The following FAM193A variants were observed in gnomAD, a reference collection of about 807,000 sequenced individuals.
FAM193A encodes family with sequence similarity 193 member A.
FAM193A carries 22 observed loss-of-function variants against 126.5 expected under a neutral mutation model. The observed-to-expected ratio is 0.17, with a 90% CI of 0.12 to 0.25. The LOEUF is 0.25. FAM193A is among the 10% of genes least tolerant of loss of function. The pLI, the probability that FAM193A is intolerant of heterozygous loss-of-function variation, is 1.00. For missense variants in FAM193A, 1,675 were observed against 1,672.8 expected (o/e 1.00, Z -0.02); for synonymous variants, 761 against 646.8 (o/e 1.18, Z -2.68).
At chr4:2,672,519 C>T in intron 13 of FAM193A, 147 bp downstream of exon 13, 1 of 826,542 alleles carries the variant, frequency 1.2e-6, no homozygotes, top group Non-Finnish European at 1.9e-6. Context: ...TTTCCTTTCA[C>T]CATAATCTCT....
chr4:2,727,304 T>C (rs1384456113), intron 20 of FAM193A, among the ~76,000 whole-genome samples: 3 of 152,180 alleles, frequency 2.0e-5, no homozygotes, highest in Non-Finnish European at 4.4e-5. Context: ...AACTGGTGCA[T>C]GAAGGTGAGT....
At chr4:2,683,361 C>G (rs546310233) in intron 13 of FAM193A, among the ~76,000 whole-genome samples, 1 of 151,802 alleles carries the variant, frequency 6.6e-6, no homozygotes, top group African/African-American at 2.4e-5. Context: ...GTGGCGCCAT[C>G]TCGGCTCTCT....
intron 2 of FAM193A, among the ~76,000 whole-genome samples, chr4:2,616,095 C>G (rs1370512001): frequency 6.6e-6 from 1 of 152,210 alleles, no homozygotes; most frequent in Non-Finnish European, 1.5e-5. Flanking sequence ...CCACCGCGCC[C>G]GGCCGAAACT....
chr4:2,554,932 A>G (rs1213350085), intron 1 of FAM193A, among the ~76,000 whole-genome samples: 3 of 151,826 alleles, frequency 2.0e-5, no homozygotes, highest in African/African-American at 7.3e-5. Flanking sequence ...TATTTTTTCT[A>G]TCTTTTTGCT....
intron 1 of FAM193A, among the ~76,000 whole-genome samples, chr4:2,546,712 A>G (rs1216040981): frequency 6.6e-6 from 1 of 152,170 alleles, no homozygotes; most frequent in African/African-American, 2.4e-5. Context: ...GGTGATTATA[A>G]ATAGAGTTGC....
rs575968322 is a variant in FAM193A at position 2,631,127 on chromosome 4, C to G, written c.996C>G (p.Leu332=). 4 of 1,613,262 alleles carry G rather than the reference C, an allele frequency of 2.5e-6. No homozygotes were observed. The highest frequency in any genetic ancestry group is 3.3e-5 in the Admixed American group (2 of 59,896). ...TCCTGCTTGAGGAGTACGGCGCCCTCTGCCAGGCCGCACGCTCCATCAGCA... is the reference window on the plus strand; with the variant it reads ...TCCTGCTTGAGGAGTACGGCGCCCTGTGCCAGGCCGCACGCTCCATCAGCA... ...ISLLLEEYGA[L]CQAARSISTF... Residue 332 remains leucine, a synonymous_variant, in exon 5 of 21, where the codon CTC becomes CTG. Transcript: ENST00000637812.
intron 19 of FAM193A, among the ~76,000 whole-genome samples, chr4:2,701,146 A>G (rs182857144): frequency 4.0e-4 from 61 of 152,260 alleles, no homozygotes; most frequent in Non-Finnish European, 7.5e-4. Context: ...ACTTCCATGT[A>G]TATTTCCTCA....
intron 1 of FAM193A, among the ~76,000 whole-genome samples, chr4:2,537,573 C>T (rs1736962626): frequency 6.6e-6 from 1 of 152,226 alleles, no homozygotes; most frequent in Non-Finnish European, 1.5e-5. Flanking sequence ...GGGCTTCTGT[C>T]GTGGCGCCTC....
rs192277593 is a variant in FAM193A at position 2,719,154 on chromosome 4, G to T, written c.4454+3050G>T. 3.3e-3 allele frequency among the ~76,000 whole-genome samples: 506 copies of T among 152,082 alleles called. 11 individuals are homozygous for T. Among genetic ancestry groups the T allele is most frequent in the Admixed American group, 0.03 (463 of 15,270 alleles). On this transcript the variant is annotated intron_variant, in intron 20 of 20. Transcript: ENST00000637812. ...TACCAGAAAAAATGAAAAATCACAG[G>T]TTTATCTCACTCATATTAGATTCAA...
At chr4:2,581,874 C>T (rs1245987742) in intron 1 of FAM193A, among the ~76,000 whole-genome samples, 1 of 150,876 alleles carries the variant, frequency 6.6e-6, no homozygotes, top group East Asian at 2.0e-4. Flanking sequence ...AGGATGGTCT[C>T]AGTCTCCTGA....
chr4:2,632,557 G>GA (rs1214072161), intron 5 of FAM193A, among the ~76,000 whole-genome samples: 1 of 151,854 alleles, frequency 6.6e-6, no homozygotes, highest in African/African-American at 2.4e-5. Context: ...AAAAAGAAAA[G>GA]AAAAAATTAC....
At chr4:2,545,314 C>G (rs1262783451) in intron 1 of FAM193A, among the ~76,000 whole-genome samples, 3 of 152,154 alleles carry the variant, frequency 2.0e-5, no homozygotes, top group Non-Finnish European at 4.4e-5. Flanking sequence ...TTTCATAGAA[C>G]AAGAATTTTT....
chr4:2,695,809 C>G (rs1455047385), intron 17 of FAM193A, among the ~76,000 whole-genome samples: 2 of 152,108 alleles, frequency 1.3e-5, no homozygotes, highest in African/African-American at 4.8e-5. Flanking sequence ...TGGCTTATGC[C>G]TGTAATAGCA....
chr4:2,566,542 G>C (rs1366578265), intron 1 of FAM193A, among the ~76,000 whole-genome samples: 3 of 152,028 alleles, frequency 2.0e-5, no homozygotes, highest in Admixed American at 1.3e-4. Context: ...ACAAAAATTA[G>C]CTGGACGTGG....
chr4:2,708,396 A>G (rs962776682), intron 19 of FAM193A: 1 of 164,360 alleles, frequency 6.1e-6, no homozygotes, highest in Non-Finnish European at 1.3e-5. Flanking sequence ...AAATGCTGGA[A>G]TTACAGGCGT....
chr4:2,643,166 C>T (rs1352874548), intron 6 of FAM193A, among the ~76,000 whole-genome samples: 4 of 152,138 alleles, frequency 2.6e-5, no homozygotes, highest in African/African-American at 9.7e-5. Flanking sequence ...ACTGACGACG[C>T]CAGGACACGC....
chr4:2,661,251 C>T (rs1337381142), intron 10 of FAM193A, among the ~76,000 whole-genome samples: 1 of 152,180 alleles, frequency 6.6e-6, no homozygotes, highest in Non-Finnish European at 1.5e-5. Flanking sequence ...CAAATGTAAA[C>T]TATGATTTGA....
chr4:2,656,461 G>C (rs1284058131), intron 7 of FAM193A, among the ~76,000 whole-genome samples: 1 of 152,200 alleles, frequency 6.6e-6, no homozygotes, highest in Non-Finnish European at 1.5e-5. Flanking sequence ...CACCTGCAGG[G>C]CTAGGGAAAG....
chr4:2,600,756 C>T (rs184802646), intron 2 of FAM193A, among the ~76,000 whole-genome samples: 467 of 152,266 alleles, frequency 3.1e-3, no homozygotes, highest in African/African-American at 9.7e-3. Context: ...AAGACTTTGT[C>T]GCTTTGATTA....
Sources: gnomAD v4.1 joint callset for allele counts (sites outside exome capture counted in the v4.1 genomes callset) on GRCh38, gnomAD v4.1.1 for gene constraint, MANE v1.5 for transcripts, NCBI Gene and HGNC (gene_info 2026-07-23, HGNC 2026-07-21) for gene names.